Variants in DCUN1D2 observed in about 807,000 individuals in gnomAD.
DCUN1D2 encodes defective in cullin neddylation 1 domain containing 2, also known as DCN1-like protein 2.
A neutral mutation model predicts 30.9 loss-of-function variants in DCUN1D2; 29 were observed. The ratio of observed to expected loss-of-function variants is 0.94; its 90% CI spans 0.70 to 1.28. DCUN1D2 has a LOEUF of 1.28. DCUN1D2 is among the 50% of genes most tolerant of loss of function. The probability of loss-of-function intolerance (pLI) is 0.00; values close to 1 mark genes in which losing one functional copy is unlikely to be tolerated. For missense variants in DCUN1D2, 325 were observed against 316.9 expected, an observed-to-expected ratio of 1.03 and a Z score of -0.19; for synonymous variants, 121 against 115.3, an observed-to-expected ratio of 1.05 and a Z score of -0.32.
intron 3 of DCUN1D2, 65 bp from the exon 4 acceptor site, chr13:113,474,319 C>T: frequency 6.3e-7 from 1 of 1,587,704 alleles, no homozygotes; most frequent in Non-Finnish European, 8.6e-7. Context: ...CCCCTTGTGC[C>T]CTGTGCAGGA....
intron 4 of DCUN1D2, among the ~76,000 whole-genome samples, chr13:113,472,789 C>T (rs1043698041): frequency 6.6e-5 from 10 of 152,218 alleles, no homozygotes; most frequent in African/African-American, 2.2e-4. Context: ...TGAGCCAAGA[C>T]GCAGCAGACA....
rs1205770547 is a variant in DCUN1D2 at position 113,490,331 on chromosome 13, T to C, written c.3+336A>G. 1 of 241,260 alleles carries C rather than the reference T, an allele frequency of 4.1e-6. No homozygotes were observed. Among genetic ancestry groups the C allele is most frequent in the Non-Finnish European group, 7.9e-6 (1 of 126,146 alleles). The allele number at this position is 241,260 out of a possible 1,614,324, so 14.9% of individuals were successfully genotyped here. ...AGCCCTCGCCCGCCTCGACTGCCCG[T>C]TTCGAAGCCGCCCTGGGAAGCCCCC... is the stretch of plus-strand genomic sequence containing the variant. On this transcript the variant is annotated intron_variant, in intron 1 of 6. Transcript: ENST00000478244. The surrounding 1 kb of genome is among the most constrained non-coding windows in gnomAD (Gnocchi z 5.2).
At position 113,458,206 on chromosome 13, in the gene DCUN1D2, C is replaced by A. The variant is rs1189198865; in HGVS notation, c.701-98G>T. On this transcript the variant is annotated intron_variant, in intron 6 of 6. Coordinates refer to ENST00000478244, the MANE Select transcript of DCUN1D2 (RefSeq NM_001014283.2). Reference sequence around the variant, plus strand: ...AATCCAACATTTACACTTCAAGAACCCAAATGACTTGAGGTCCACACCATT... The same window carrying A: ...AATCCAACATTTACACTTCAAGAACACAAATGACTTGAGGTCCACACCATT... 8 of 1,024,310 alleles carry A rather than the reference C, an allele frequency of 7.8e-6. No individual in the cohort carries two copies. In the Admixed American group the frequency reaches 1.4e-4, roughly 18 times the overall value. The allele number at this position is 1,024,310 out of a possible 1,614,324, so 63.5% of individuals were successfully genotyped here. A position where few individuals can be genotyped will look rare whatever the true frequency, so the allele number is the denominator to read the frequency against.
At position 113,477,409 on chromosome 13, in the gene DCUN1D2, C is replaced by T. The variant is rs1319581020; in HGVS notation, c.390-3155G>A. Among the ~76,000 whole-genome samples the T allele has an allele frequency of 2.2e-5, 3 of 133,822 alleles. No homozygotes were observed. The East Asian group carries it at 5.9e-4, about 26-fold the overall frequency. The allele number at this position is 133,822 out of a possible 152,430, so 87.8% of individuals were successfully genotyped here. A position where few individuals can be genotyped will look rare whatever the true frequency, so the allele number is the denominator to read the frequency against. ...ATACCGAAAGATGACGTAGATTTTA[C>T]ATGTTACCGTTTTGCTGGTTGTTGC... On this transcript the variant is annotated intron_variant, in intron 3 of 6. Transcript: ENST00000478244.
chr13:113,472,226 A>C (rs2044531480), intron 4 of DCUN1D2, among the ~76,000 whole-genome samples: 1 of 152,144 alleles, frequency 6.6e-6, no homozygotes, highest in African/African-American at 2.4e-5. Context: ...CAATACAGAC[A>C]AGCTCAAGTA....
At chr13:113,469,792 T>C (rs564468860) in intron 4 of DCUN1D2, among the ~76,000 whole-genome samples, 1 of 152,234 alleles carries the variant, frequency 6.6e-6, no homozygotes, top group African/African-American at 2.4e-5. Flanking sequence ...TGAGCTATGA[T>C]CGCGCCACTC....
At chr13:113,473,383 A>T (rs2044558466) in intron 4 of DCUN1D2, among the ~76,000 whole-genome samples, 1 of 152,196 alleles carries the variant, frequency 6.6e-6, no homozygotes, top group Admixed American at 6.5e-5. Context: ...AAGCGAATGC[A>T]GACTCCCCAA....
At chr13:113,466,966 C>A (rs1191928400) in intron 4 of DCUN1D2, among the ~76,000 whole-genome samples, 4 of 152,064 alleles carry the variant, frequency 2.6e-5, no homozygotes, top group Non-Finnish European at 4.4e-5. Context: ...GCCACCACGC[C>A]CGGCTAATTT....
At chr13:113,479,840 G>A (rs1000478464) in intron 3 of DCUN1D2, among the ~76,000 whole-genome samples, 4 of 152,182 alleles carry the variant, frequency 2.6e-5, no homozygotes, top group African/African-American at 9.7e-5. Context: ...GCACATAACT[G>A]GATGCGCTAT....
chr13:113,483,775 A>G, intron 2 of DCUN1D2, 65 bp downstream of exon 2: 1 of 1,504,616 alleles, frequency 6.6e-7, no homozygotes. Context: ...GAACCCTGGA[A>G]GTGCAGCGCG....
intron 5 of DCUN1D2, 119 bp from the exon 6 acceptor site, chr13:113,459,527 C>A: frequency 3.5e-6 from 2 of 569,526 alleles, no homozygotes; most frequent in Non-Finnish European, 3.1e-6. Flanking sequence ...GGAACAAGTA[C>A]AATAAAATTG....
At chr13:113,475,153 C>T (rs569595191) in intron 3 of DCUN1D2, among the ~76,000 whole-genome samples, 7 of 152,268 alleles carry the variant, frequency 4.6e-5, no homozygotes, top group Middle Eastern at 3.4e-3. Context: ...AAGACATACA[C>T]GGAAAAGCAC....
intron 4 of DCUN1D2, chr13:113,462,687 A>G: frequency 1.1e-6 from 1 of 927,214 alleles, no homozygotes; most frequent in Non-Finnish European, 1.3e-6. Flanking sequence ...AAAGAAAGAG[A>G]GAGTCAGAAA....
intron 4 of DCUN1D2, among the ~76,000 whole-genome samples, chr13:113,471,974 G>A (rs934920401): frequency 1.3e-5 from 2 of 152,130 alleles, no homozygotes; most frequent in Admixed American, 6.5e-5. Flanking sequence ...TGTGTGCCTG[G>A]AAAACAAAGG....
rs138628089 is a variant in DCUN1D2 at position 113,479,822 on chromosome 13, T to C, written c.389+753A>G. 1.6e-4 allele frequency among the ~76,000 whole-genome samples: 24 copies of C among 152,314 alleles called. No homozygotes were observed. The East Asian group carries it at 3.7e-3, about 23-fold the overall frequency. On this transcript the variant is annotated intron_variant, in intron 3 of 6. Coordinates refer to ENST00000478244, the MANE Select transcript of DCUN1D2 (RefSeq NM_001014283.2). ...CATAAGCCTTTATATTATCAAGTAT[T>C]ATATACTGCACATAACTGGATGCGC...
At chr13:113,482,863 A>C (rs1008160600) in intron 2 of DCUN1D2, among the ~76,000 whole-genome samples, 4 of 152,190 alleles carry the variant, frequency 2.6e-5, no homozygotes, top group African/African-American at 9.7e-5. Context: ...GAATCGCTTG[A>C]ATGTGGGAGG....
At position 113,461,223 on chromosome 13, in the gene DCUN1D2, T is replaced by A. The variant is rs74115891; in HGVS notation, c.521-87A>T. The A allele has an allele frequency of 1.1e-3, 879 of 807,872 alleles. 10 individuals are homozygous for A. In the African/African-American group the frequency reaches 0.012, roughly 11 times the overall value. 50.0% of individuals were successfully genotyped at this position (807,872 alleles called of 1,614,324 possible). ...ACGACCACTTCTTAGCATGTCAATA[T>A]TTACTTAATAAAATGTGGCAATCTC... On this transcript the variant is annotated intron_variant, in intron 4 of 6. Transcript: ENST00000478244.
At chr13:113,458,253 GC>G in intron 6 of DCUN1D2, 145 bp from the exon 7 acceptor site, 1 of 748,878 alleles carries the variant, frequency 1.3e-6, no homozygotes, top group Non-Finnish European at 2.3e-6. Context: ...GAATGAACCA[GC>G]CCAAGTTACC....
chr13:113,469,104 C>T (rs1290170879), intron 4 of DCUN1D2: 1 of 152,286 alleles, frequency 6.6e-6, no homozygotes, highest in Admixed American at 6.6e-5. Flanking sequence ...GCCAGACAAT[C>T]TCAGACAGCA....
Sources: gnomAD v4.1 joint callset for allele counts (sites outside exome capture counted in the v4.1 genomes callset) on GRCh38, gnomAD v4.1.1 for gene constraint, Gnocchi (gnomAD v3.1) non-coding constraint, MANE v1.5 for transcripts, NCBI Gene and HGNC (gene_info 2026-07-23, HGNC 2026-07-21) for gene names.